The following TNRC18 variants were observed in gnomAD, a reference collection of about 807,000 sequenced individuals.
TNRC18 encodes the protein trinucleotide repeat containing 18, also known as trinucleotide repeat-containing gene 18 protein.
Under a neutral mutation model 226.7 loss-of-function variants are expected in TNRC18, and 69 were observed. That is an observed-to-expected ratio of 0.30 (90% CI 0.25 to 0.37). The LOEUF is 0.37. TNRC18 is among the 10% of genes least tolerant of loss of function. The pLI, the probability that TNRC18 is intolerant of heterozygous loss-of-function variation, is 1.00. For missense variants in TNRC18, 4,754 were observed against 4,256.6 expected, an observed-to-expected ratio of 1.12 and a Z score of -3.25; for synonymous variants, 2,449 against 1,927.6, an observed-to-expected ratio of 1.27 and a Z score of -7.09.
intron 18 of TNRC18, among the ~76,000 whole-genome samples, chr7:5,334,289 T>C (rs1789855417): frequency 7.5e-6 from 1 of 133,668 alleles, no homozygotes; most frequent in Non-Finnish European, 1.7e-5. Flanking sequence ...AATAATCCTA[T>C]TAATTAACTT....
At position 5,309,336 on chromosome 7, in the gene TNRC18, G is replaced by A. The variant is rs1177991166; in HGVS notation, c.8421C>T (p.Leu2807=). The A allele has an allele frequency of 1.9e-6, 3 of 1,613,736 alleles. No individual in the cohort carries two copies. The highest frequency in any genetic ancestry group is 2.2e-5 in the East Asian group (1 of 44,876). Residue 2807 remains leucine, a synonymous_variant, in exon 28 of 30, where the codon CTC becomes CTT. Transcript: ENST00000430969. The surrounding 1 kb of genome is among the most constrained non-coding windows in gnomAD (Gnocchi z 5.7). The stretch of plus-strand genomic sequence containing the variant: ...TGCCGCGCACGATGGCCTTGTAGAA[G>A]AGCTTGCGGGCCTTGCCCTTCATGC... ...RRGMKGKARK[L]FYKAIVRGKE...
At chr7:5,385,772 G>C (rs969814733) in intron 5 of TNRC18, among the ~76,000 whole-genome samples, 1 of 151,514 alleles carries the variant, frequency 6.6e-6, no homozygotes, top group Non-Finnish European at 1.5e-5. Context: ...CCAGGAGTTT[G>C]AGACCAGCCT....
intron 10 of TNRC18, among the ~76,000 whole-genome samples, chr7:5,372,681 C>T (rs185295388): frequency 2.0e-5 from 3 of 152,128 alleles, no homozygotes; most frequent in Non-Finnish European, 2.9e-5. Flanking sequence ...CACCACTGCA[C>T]GGCAGCCTGG....
intron 12 of TNRC18, 144 bp downstream of exon 12, chr7:5,362,506 C>A: frequency 2.7e-6 from 2 of 749,648 alleles, no homozygotes; most frequent in Non-Finnish European, 4.2e-6. Flanking sequence ...GACCACACAG[C>A]ACATCAGCAC....
chr7:5,308,171 C>T lies in TNRC18; in HGVS notation c.8842G>A (p.Ala2948Thr), dbSNP rs371294707. 32 of 1,590,460 alleles carry T rather than the reference C, an allele frequency of 2.0e-5. No homozygotes were observed. The highest frequency in any genetic ancestry group is 8.0e-5 in the South Asian group (7 of 87,634). The stretch of plus-strand genomic sequence containing the variant: ...CCCGTGGTGGGCTCGTAGGTGCCCG[C>T]GAGGTAGTACAGGCCCTCGCTGTCC... ...YQDSEGLYYL[A>T]GTYEPTTGMI... The change falls in exon 30 of 30, where the codon GCG (alanine) becomes ACG (threonine). Residue 2948 changes from alanine (A) to threonine (T), a missense_variant. Physicochemically the swap from Ala to Thr is moderately conservative, Grantham distance 58. Transcript: ENST00000430969.
At chr7:5,373,993 G>C (rs977155539) in intron 10 of TNRC18, 62 bp downstream of exon 10, 9 of 1,290,364 alleles carry the variant, frequency 7.0e-6, no homozygotes, top group Non-Finnish European at 9.3e-6. Context: ...TGAAAAGATG[G>C]ATGAGCAGTT....
rs368584372 is a variant in TNRC18, at chr7:5,333,004, C to A, written c.5765G>T (p.Arg1922Leu). 4 of 1,576,606 alleles carry A rather than the reference C, an allele frequency of 2.5e-6. No homozygotes were observed. The highest frequency in any genetic ancestry group is 3.5e-5 in the Admixed American group (2 of 57,306). The change falls in exon 19 of 30, where the codon CGC becomes CTC. Residue 1922 changes from arginine to leucine, a missense_variant. Arg to Leu is a moderately radical substitution (Grantham distance 102). Coordinates refer to ENST00000430969, the MANE Select transcript of TNRC18 (RefSeq NM_001080495.3). ...YTDSESEVKV[R>L]KRSPAGLLRP... ...CAGCAGCCCCGCAGGCGACCGCTTG[C>A]GCACCTTGACCTCGCTCTCTGAGTC...
chr7:5,312,832 G>C lies in TNRC18; in HGVS notation c.8059C>G (p.Pro2687Ala), dbSNP rs752161395. ...SSCSSDDEAA[P>A]APTAGPSAQA... ...GCGGAAGGGCCAGCCGTGGGGGCGG[G>C]GGCTGCCTCATCGTCCGAGCTGCAG... Residue 2687 changes from proline to alanine, a missense_variant, in exon 27 of 30, where the codon CCC becomes GCC. By Grantham distance (27) the Pro-to-Ala change is conservative (BLOSUM62 -1). Coordinates refer to ENST00000430969, the MANE Select transcript of TNRC18 (RefSeq NM_001080495.3). This position sits in a 1 kb window ranked among gnomAD's most constrained non-coding sequence, Gnocchi z 6.3. 1 of 1,532,030 alleles carries C rather than the reference G, an allele frequency of 6.5e-7. No individual in the cohort carries two copies. The highest frequency in any genetic ancestry group is 1.4e-5 in the African/African-American group (1 of 73,160). The allele number at this position is 1,532,030 out of a possible 1,614,324, so 94.9% of individuals were successfully genotyped here.
chr7:5,314,923 G>C (rs1787691104), intron 26 of TNRC18, 61 bp downstream of exon 26: 2 of 1,517,694 alleles, frequency 1.3e-6, no homozygotes, highest in Middle Eastern at 2.4e-4. Flanking sequence ...CCCAAGCCCT[G>C]AGTTTGGATG....
At position 5,359,582 on chromosome 7, in the gene TNRC18, C is replaced by T. The variant is rs563665329; in HGVS notation, c.4662-13G>A. On this transcript the variant is annotated splice_polypyrimidine_tract_variant and intron_variant, in intron 14 of 29. Transcript: ENST00000430969. ...CTTGCTGCTCAGCCTGAAACGCAGA[C>T]ACACTGCCGGTCAGCACCCTGGCCA... 5.9e-5 allele frequency: 95 copies of T among 1,613,342 alleles called. 1 individual carries two copies. The South Asian group carries it at 9.9e-4, about 17-fold the overall frequency.
chr7:5,410,852 C>A (rs1781791532), intron 2 of TNRC18, among the ~76,000 whole-genome samples: 2 of 116,796 alleles, frequency 1.7e-5, no homozygotes, highest in Non-Finnish European at 3.3e-5. Context: ...CAGAGTGAGA[C>A]TCCATCTCAA....
chr7:5,359,300 C>T (rs1398602250), intron 15 of TNRC18, 98 bp downstream of exon 15: 1 of 1,278,020 alleles, frequency 7.8e-7, no homozygotes. Flanking sequence ...GGTTTCTGTA[C>T]AGGAACAAAG....
At chr7:5,345,944 G>A (rs931915745) in intron 17 of TNRC18, 134 bp from the exon 18 acceptor site, 1 of 1,315,450 alleles carries the variant, frequency 7.6e-7, no homozygotes, top group Non-Finnish European at 1.0e-6. Flanking sequence ...CGCTGGGGGT[G>A]GATGCAGACC....
chr7:5,339,294 C>T (rs913265660), intron 18 of TNRC18, among the ~76,000 whole-genome samples: 8 of 148,840 alleles, frequency 5.4e-5, no homozygotes, highest in East Asian at 2.0e-4. Flanking sequence ...GGCTGAAGTA[C>T]GGTGGTGCAG....
In TNRC18 at chr7:5,376,159, G is replaced by C. The variant is rs1379993076; in HGVS notation, c.2674C>G (p.Pro892Ala). The C allele has an allele frequency of 1.3e-6, 2 of 1,581,476 alleles. No homozygotes were observed. The highest frequency in any genetic ancestry group is 2.7e-5 in the African/African-American group (2 of 74,314). The change falls in exon 9 of 30, where the codon CCC becomes GCC. Residue 892 changes from proline to alanine, a missense_variant. Coordinates refer to ENST00000430969, the MANE Select transcript of TNRC18 (RefSeq NM_001080495.3). ...TGCAGCTGCTGGGCGTGGTGCAGGG[G>C]GCTGCGGCCCGGCGGGTACAGGGCG... ...WPALYPPGRS[P>A]LHHAQQLQLF...
chr7:5,354,983 G>T (rs1205121303), intron 16 of TNRC18, among the ~76,000 whole-genome samples: 1 of 152,226 alleles, frequency 6.6e-6, no homozygotes, highest in Non-Finnish European at 1.5e-5. Flanking sequence ...ACCGGCCAGA[G>T]CCAATCAAAA....
chr7:5,357,654 T>C (rs1004439120), intron 15 of TNRC18, among the ~76,000 whole-genome samples: 2 of 152,176 alleles, frequency 1.3e-5, no homozygotes, highest in African/African-American at 4.8e-5. Flanking sequence ...GGCTAATTTT[T>C]ATTATTTTTA....
intron 2 of TNRC18, among the ~76,000 whole-genome samples, chr7:5,404,266 G>A (rs926427084): frequency 6.6e-6 from 1 of 152,136 alleles, no homozygotes; most frequent in East Asian, 1.9e-4. Context: ...AGCTACTCAG[G>A]AGGCTGAGGC....
intron 2 of TNRC18, among the ~76,000 whole-genome samples, chr7:5,404,405 G>C (rs1015555201): frequency 1.3e-5 from 2 of 152,172 alleles, no homozygotes; most frequent in Admixed American, 6.6e-5. Context: ...ATTTGAAAAA[G>C]AGAACCTGTA....
Sources: gnomAD v4.1 joint callset for allele counts (sites outside exome capture counted in the v4.1 genomes callset) on GRCh38, gnomAD v4.1.1 for gene constraint, Gnocchi (gnomAD v3.1) non-coding constraint, MANE v1.5 for transcripts, NCBI Gene and HGNC (gene_info 2026-07-23, HGNC 2026-07-21) for gene names.